Variants in LNPEP observed in about 807,000 individuals in gnomAD.
The protein encoded by LNPEP is leucyl-cystinyl aminopeptidase.
LNPEP carries 64 observed loss-of-function variants against 120.6 expected under a neutral mutation model. The ratio of observed to expected loss-of-function variants is 0.53; its 90% CI spans 0.43 to 0.65. The LOEUF is 0.65. Among genes scored for constraint, LNPEP ranks in the 30% least tolerant of loss-of-function variants. LNPEP has a pLI of 0.00. For missense variants in LNPEP, 1,057 were observed against 1,200.0 expected (o/e 0.88, Z 1.76); for synonymous variants, 435 against 425.4 (o/e 1.02, Z -0.28).
At chr5:96,936,199 G>A (rs1402807932) in intron 1 of LNPEP, 25 bp downstream of exon 1, 8 of 1,431,588 alleles carry the variant, frequency 5.6e-6, no homozygotes, top group Non-Finnish European at 7.3e-6. Flanking sequence ...GAGGCGCCGG[G>A]ACCCGGGCTC....
chr5:96,973,760 C>T (rs1789928709), intron 1 of LNPEP, among the ~76,000 whole-genome samples: 2 of 152,140 alleles, frequency 1.3e-5, no homozygotes, highest in African/African-American at 2.4e-5. Context: ...CATCCTATTA[C>T]ATTTTCTCAG....
chr5:96,962,311 C>G (rs1398651366), intron 1 of LNPEP, among the ~76,000 whole-genome samples: 2 of 152,214 alleles, frequency 1.3e-5, no homozygotes, highest in South Asian at 2.1e-4. Context: ...GAACTTGGCT[C>G]TGCTACTTAA....
chr5:96,969,152 T>C (rs1259561238), intron 1 of LNPEP, among the ~76,000 whole-genome samples: 1 of 152,016 alleles, frequency 6.6e-6, no homozygotes, highest in African/African-American at 2.4e-5. Context: ...TCAGTTAAAA[T>C]TTAAGTGGAC....
rs1160402498 is a variant in LNPEP, at chr5:96,954,772, A to ATTT, written c.19+18624_19+18626dup. 5.9e-4 allele frequency among the ~76,000 whole-genome samples: 16 copies of ATTT among 27,108 alleles called. 1 individual carries two copies. Among genetic ancestry groups the ATTT allele is most frequent in the African/African-American group, 2.1e-3 (14 of 6,606 alleles). The allele number at this position is 27,108 out of a possible 152,430, so 17.8% of individuals were successfully genotyped here. Reference sequence around the variant, plus strand: ...CACATATATATATATATATATATATATTTTTTTTTTTTTTTTTTTTTTTTT... The same window carrying ATTT: ...CACATATATATATATATATATATATATTTTTTTTTTTTTTTTTTTTTTTTTTTT... On this transcript the variant is annotated intron_variant, in intron 1 of 17. Coordinates refer to ENST00000231368, the MANE Select transcript of LNPEP (RefSeq NM_005575.3).
chr5:96,990,188 AT>A (rs1387675404), intron 4 of LNPEP, among the ~76,000 whole-genome samples: 1 of 152,192 alleles, frequency 6.6e-6, no homozygotes, highest in Non-Finnish European at 1.5e-5. Flanking sequence ...AGATTTAAAA[AT>A]TGTATGTCAG....
chr5:96,985,083 C>T lies in LNPEP; in HGVS notation c.864C>T (p.Tyr288=), dbSNP rs375878503. Residue 288 remains tyrosine, a synonymous_variant, in exon 3 of 18, where the codon TAC becomes TAT. Coordinates refer to ENST00000231368, the MANE Select transcript of LNPEP (RefSeq NM_005575.3). ...ATTGAATTTGTGTTTGTTTTAGGTACTTTGCAGCAACTCAGTTTGAACCCC... is the reference window on the plus strand; with the variant it reads ...ATTGAATTTGTGTTTGTTTTAGGTATTTTGCAGCAACTCAGTTTGAACCCC... The part of the protein sequence containing the change: ...SYTDESNEKK[Y]FAATQFEPLA... 14 of 1,613,702 alleles carry T rather than the reference C, an allele frequency of 8.7e-6. No homozygotes were observed. Among genetic ancestry groups the T allele is most frequent in the African/African-American group, 2.7e-5 (2 of 74,914 alleles).
intron 12 of LNPEP, among the ~76,000 whole-genome samples, chr5:97,014,356 A>C (rs1368057935): frequency 2.0e-5 from 3 of 152,300 alleles, no homozygotes; most frequent in African/African-American, 7.2e-5. Context: ...GCTTAAAAAC[A>C]CTGACGTGTT....
Position 97,033,893 on chromosome 5 carries a change from C to T in LNPEP, c.*5360C>T, listed in dbSNP as rs1459554780. 1 of 151,738 alleles carries T rather than the reference C, an allele frequency of 6.6e-6. No individual in the cohort carries two copies. Among genetic ancestry groups the T allele is most frequent in the Non-Finnish European group, 1.5e-5 (1 of 67,956 alleles). 9.4% of individuals were successfully genotyped at this position (151,738 alleles called of 1,614,324 possible). The stretch of plus-strand genomic sequence containing the variant: ...TATAACAATCTGTTCTCCCTTTACC[C>T]TTTTAATGTATATGGGCAATAATTT... On this transcript the variant is annotated 3_prime_UTR_variant, in exon 18 of 18. Coordinates refer to ENST00000231368, the MANE Select transcript of LNPEP (RefSeq NM_005575.3).
intron 1 of LNPEP, among the ~76,000 whole-genome samples, chr5:96,946,001 G>T (rs1789177748): frequency 6.6e-6 from 1 of 152,160 alleles, no homozygotes; most frequent in South Asian, 2.1e-4. Flanking sequence ...GTGTCTGCTT[G>T]TCCTATAATT....
intron 1 of LNPEP, among the ~76,000 whole-genome samples, chr5:96,968,553 A>G (rs1789782200): frequency 1.3e-5 from 2 of 152,086 alleles, no homozygotes; most frequent in Non-Finnish European, 2.9e-5. Context: ...TTTTGTCTTA[A>G]GAGAACATTT....
At chr5:96,950,572 A>C (rs192522819) in intron 1 of LNPEP, among the ~76,000 whole-genome samples, 35 of 152,362 alleles carry the variant, frequency 2.3e-4, no homozygotes, top group African/African-American at 8.2e-4. Context: ...AGGACTCTCT[A>C]TTAGTTGACG....
chr5:96,974,716 C>T (rs564704715), intron 1 of LNPEP, among the ~76,000 whole-genome samples: 2 of 152,204 alleles, frequency 1.3e-5, no homozygotes, highest in East Asian at 3.9e-4. Context: ...CAGGCTTCTA[C>T]TCTCACTATT....
chr5:96,954,770 A>ATTTTTTTTTTTTT lies in LNPEP; in HGVS notation c.19+18597_19+18598insTTTTTTTTTTTTT, dbSNP rs1789417391. On this transcript the variant is annotated intron_variant, in intron 1 of 17. Coordinates refer to ENST00000231368, the MANE Select transcript of LNPEP (RefSeq NM_005575.3). ...TACACATATATATATATATATATAT[A>ATTTTTTTTTTTTT]TATTTTTTTTTTTTTTTTTTTTTTT... Among the ~76,000 whole-genome samples, 2 of 29,490 alleles carry ATTTTTTTTTTTTT rather than the reference A, an allele frequency of 6.8e-5. 1 individual carries two copies. The highest frequency in any genetic ancestry group is 1.4e-4 in the Non-Finnish European group (2 of 14,346). The allele number at this position is 29,490 out of a possible 152,430, so 19.3% of individuals were successfully genotyped here. A position where few individuals can be genotyped will look rare whatever the true frequency, so the allele number is the denominator to read the frequency against.
chr5:97,017,465 T>C (rs1170228276), intron 13 of LNPEP, among the ~76,000 whole-genome samples: 1 of 152,112 alleles, frequency 6.6e-6, no homozygotes, highest in African/African-American at 2.4e-5. Context: ...AATATGAGTT[T>C]TAAATTTTAA....
intron 1 of LNPEP, among the ~76,000 whole-genome samples, chr5:96,976,253 A>G (rs1190508624): frequency 6.6e-6 from 1 of 152,188 alleles, no homozygotes; most frequent in Non-Finnish European, 1.5e-5. Flanking sequence ...TACAAAAAAA[A>G]AACTGTGCTT....
chr5:96,988,750 C>T (rs1403142081), intron 4 of LNPEP, among the ~76,000 whole-genome samples: 2 of 152,000 alleles, frequency 1.3e-5, no homozygotes, highest in Admixed American at 6.6e-5. Context: ...AGACAGGCAC[C>T]TGCCACCATA....
intron 13 of LNPEP, among the ~76,000 whole-genome samples, chr5:97,021,375 A>G (rs1791193415): frequency 6.6e-6 from 1 of 152,214 alleles, no homozygotes; most frequent in African/African-American, 2.4e-5. Context: ...TTCTTTAAAT[A>G]AAAACTTAGG....
intron 1 of LNPEP, among the ~76,000 whole-genome samples, chr5:96,938,343 C>G (rs753552114): frequency 6.6e-6 from 1 of 152,154 alleles, no homozygotes; most frequent in Non-Finnish European, 1.5e-5. Flanking sequence ...CACGTTCATC[C>G]TCTTTTAATG....
chr5:97,003,129 C>A (rs769705687), intron 8 of LNPEP, among the ~76,000 whole-genome samples: 1 of 152,160 alleles, frequency 6.6e-6, no homozygotes, highest in Non-Finnish European at 1.5e-5. Flanking sequence ...TCAACACTAA[C>A]ATTGAAACAG....
Sources: gnomAD v4.1 joint callset for allele counts (sites outside exome capture counted in the v4.1 genomes callset) on GRCh38, gnomAD v4.1.1 for gene constraint, MANE v1.5 for transcripts, NCBI Gene and HGNC (gene_info 2026-07-23, HGNC 2026-07-21) for gene names.